CPAMD8: variants seen among roughly 807,000 people sequenced by gnomAD.
CPAMD8 encodes the protein C3 and PZP-like alpha-2-macroglobulin domain-containing protein 8.
A neutral mutation model predicts 224.7 loss-of-function variants in CPAMD8; 146 were observed. That is an observed-to-expected ratio of 0.65 (90% CI 0.57 to 0.75). The LOEUF is 0.75. Among genes scored for constraint, CPAMD8 ranks in the 30% least tolerant of loss-of-function variants. The pLI is 0.00. For missense variants in CPAMD8, 2,301 were observed against 2,537.5 expected (o/e 0.91, Z 2.00); for synonymous variants, 966 against 1,044.6 (o/e 0.92, Z 1.45).
chr19:17,004,185 C>T (rs7254409), intron 8 of CPAMD8, 88 bp downstream of exon 8: 62 of 867,442 alleles, frequency 7.1e-5, no homozygotes, highest in Middle Eastern at 3.6e-4. Context: ...GGATTACAGG[C>T]GAGAGCCCTT....
At chr19:16,990,641 G>T (rs1156846304) in intron 12 of CPAMD8, among the ~76,000 whole-genome samples, 1 of 151,916 alleles carries the variant, frequency 6.6e-6, no homozygotes. Flanking sequence ...AAGGTGGGCA[G>T]ATCACGAGGT....
At chr19:16,997,630 C>G (rs1045077414) in intron 10 of CPAMD8, among the ~76,000 whole-genome samples, 3 of 151,804 alleles carry the variant, frequency 2.0e-5, no homozygotes, top group Admixed American at 1.3e-4. Flanking sequence ...GCGGGCGGGT[C>G]ACTTGAGGTC....
intron 17 of CPAMD8, among the ~76,000 whole-genome samples, chr19:16,973,614 G>A (rs2055142665): frequency 6.6e-6 from 1 of 151,994 alleles, no homozygotes; most frequent in South Asian, 2.1e-4. Flanking sequence ...CTCCCAAAGT[G>A]CTGGGATTAC....
chr19:16,926,506 C>G (rs997809064), intron 25 of CPAMD8, among the ~76,000 whole-genome samples: 1 of 152,054 alleles, frequency 6.6e-6, no homozygotes, highest in East Asian at 1.9e-4. Flanking sequence ...TTAGAAGAGA[C>G]GAGCTTTCTC....
chr19:16,983,245 T>C (rs2055579199), intron 13 of CPAMD8, among the ~76,000 whole-genome samples: 1 of 151,912 alleles, frequency 6.6e-6, no homozygotes, highest in Admixed American at 6.6e-5. Flanking sequence ...TCTACAAAAA[T>C]ACAAAAATTA....
intron 7 of CPAMD8, among the ~76,000 whole-genome samples, chr19:17,005,647 A>G (rs749256471): frequency 9.9e-5 from 15 of 152,152 alleles, no homozygotes; most frequent in South Asian, 4.1e-4. Flanking sequence ...CTCGTCCCCA[A>G]TGATCATATG....
chr19:16,981,337 G>A (rs1476019618), intron 13 of CPAMD8, among the ~76,000 whole-genome samples: 1 of 151,910 alleles, frequency 6.6e-6, no homozygotes, highest in African/African-American at 2.4e-5. Context: ...CTCCAGCCTG[G>A]GTAACAGAGT....
intron 2 of CPAMD8, 37 bp downstream of exon 2, chr19:17,021,990 AAAG>A: frequency 6.5e-7 from 1 of 1,535,840 alleles, no homozygotes; most frequent in Non-Finnish European, 8.8e-7. Flanking sequence ...CCACTTTGCA[AAAG>A]AAGGGGAAGT....
intron 13 of CPAMD8, among the ~76,000 whole-genome samples, chr19:16,985,290 G>A (rs2055674181): frequency 6.6e-6 from 1 of 151,906 alleles, no homozygotes; most frequent in Admixed American, 6.6e-5. Context: ...ATGGATGGAT[G>A]AAGGGTGCAT....
intron 11 of CPAMD8, 130 bp from the exon 12 acceptor site, chr19:16,993,716 A>T (rs2056035884): frequency 1.2e-6 from 1 of 827,620 alleles, no homozygotes; most frequent in Non-Finnish European, 1.9e-6. Flanking sequence ...CTGCTCCTGA[A>T]ATTCACAGGG....
At chr19:16,991,672 T>C (rs2055954691) in intron 12 of CPAMD8, among the ~76,000 whole-genome samples, 1 of 151,958 alleles carries the variant, frequency 6.6e-6, no homozygotes, top group Admixed American at 6.6e-5. Context: ...TTGACCAATA[T>C]AGTGAAACCC....
Position 16,893,152 on chromosome 19 carries a change from C to A in CPAMD8, c.5614G>T (p.Gly1872Trp). ...TTTGACATCCATAAACCCTCCTCCC[C>A]ACCACTCTGAAAGGCTGGGCTGTAG... ...FVYSPAFQSG[G>W]EEGLWMSNTC... is the part of the protein sequence containing the mutation. Residue 1872 changes from glycine (G) to tryptophan (W), a missense_variant, in exon 42 of 42, where the codon GGG becomes TGG. Transcript: ENST00000443236. 1 of 1,578,052 alleles carries A rather than the reference C, an allele frequency of 6.3e-7. No individual in the cohort carries two copies. The highest frequency in any genetic ancestry group is 8.7e-7 in the Non-Finnish European group (1 of 1,148,936).
intron 35 of CPAMD8, 63 bp downstream of exon 35, chr19:16,902,586 G>T: frequency 9.7e-7 from 1 of 1,028,420 alleles, no homozygotes; most frequent in Non-Finnish European, 1.5e-6. Context: ...GTCCCAGGAG[G>T]CCATCCTCTC....
In CPAMD8 at chr19:16,952,187, C is replaced by T. The variant is rs1371374976; in HGVS notation, c.2290G>A (p.Glu764Lys). The T allele has an allele frequency of 2.6e-6, 4 of 1,538,258 alleles. No individual in the cohort carries two copies. The highest frequency in any genetic ancestry group is 2.6e-6 in the Non-Finnish European group (3 of 1,135,974). ...HCLNISDPSG[E>K]GTLSVKVPDS... ...GGGACCTTCACACTGAGTGTCCCCT[C>T]ACCAGATGGGTCACTGCGGAGAGAC... The change falls in exon 20 of 42, where the codon GAG (glutamate) becomes AAG (lysine). Residue 764 changes from glutamate to lysine, a missense_variant. Glu to Lys is a moderately conservative substitution (Grantham distance 56). Around this residue, in one of 4 missense-constraint regions of CPAMD8, gnomAD observed 1,709 missense variants for 1,753.2 expected, o/e 0.97. Transcript: ENST00000443236.
At chr19:16,965,245 G>C (rs544669904) in intron 18 of CPAMD8, among the ~76,000 whole-genome samples, 1 of 151,676 alleles carries the variant, frequency 6.6e-6, no homozygotes, top group Non-Finnish European at 1.5e-5. Flanking sequence ...GGGTGACAGA[G>C]TGAGACTCCA....
Position 16,914,415 on chromosome 19 carries a change from T to C in CPAMD8, c.3861+9A>G. The C allele has an allele frequency of 6.2e-7, 1 of 1,613,742 alleles. No individual in the cohort carries two copies. On this transcript the variant is annotated intron_variant, in intron 29 of 41. Coordinates refer to ENST00000443236, the MANE Select transcript of CPAMD8 (RefSeq NM_015692.5). Reference sequence around the variant, plus strand: ...GCCCCGAGTCTCCCCAAACCCCTTCTGTACTCACCTCTGAGGCTGTGCCTG... The same window carrying C: ...GCCCCGAGTCTCCCCAAACCCCTTCCGTACTCACCTCTGAGGCTGTGCCTG...
chr19:16,904,878 G>A (rs1283398776), intron 30 of CPAMD8, among the ~76,000 whole-genome samples: 1 of 152,182 alleles, frequency 6.6e-6, no homozygotes, highest in Admixed American at 6.5e-5. Flanking sequence ...CCTCCCTCCT[G>A]ACCAGGTACT....
intron 3 of CPAMD8, among the ~76,000 whole-genome samples, chr19:17,018,151 T>C (rs1421060698): frequency 6.6e-6 from 1 of 152,130 alleles, no homozygotes; most frequent in African/African-American, 2.4e-5. Context: ...GATGGGCGCC[T>C]TATAATTTAA....
rs755665750 is a variant in CPAMD8 at position 16,898,021 on chromosome 19, C to T, written c.4849-27G>A. 1.4e-5 allele frequency: 22 copies of T among 1,572,298 alleles called. No homozygotes were observed. The highest frequency in any genetic ancestry group is 1.7e-4 in the Middle Eastern group (1 of 5,736). On this transcript the variant is annotated intron_variant, in intron 37 of 41. Coordinates refer to ENST00000443236, the MANE Select transcript of CPAMD8 (RefSeq NM_015692.5). This position sits in a 1 kb window ranked among gnomAD's most constrained non-coding sequence, Gnocchi z 4.2. ...TGTGGGGCAGCGGCGGGCGCAGGCT[C>T]GACCCGGGCCAGGAGGCCCGGGGCG...
Sources: allele counts gnomAD v4.1 joint callset (sites outside exome capture counted in the v4.1 genomes callset), GRCh38; gene constraint gnomAD v4.1.1; regional missense constraint gnomAD v4.1.1; non-coding constraint Gnocchi (gnomAD v3.1); transcripts MANE v1.5; gene names NCBI Gene and HGNC (gene_info 2026-07-23, HGNC 2026-07-21).